The following ADCY8 variants were observed in gnomAD, a reference collection of about 807,000 sequenced individuals.
ADCY8 encodes the protein adenylate cyclase 8, also known as adenylate cyclase type 8.
Under a neutral mutation model 119.7 loss-of-function variants are expected in ADCY8, and 51 were observed. The observed-to-expected ratio is 0.43, with a 90% CI of 0.34 to 0.54. The LOEUF is 0.54. Ranked by LOEUF, ADCY8 falls within the 20% of genes least tolerant of loss-of-function variation. The probability of loss-of-function intolerance (pLI) is 0.03; values close to 1 mark genes in which losing one functional copy is unlikely to be tolerated. For missense variants in ADCY8, 1,383 were observed against 1,598.8 expected, an observed-to-expected ratio of 0.87 and a Z score of 2.30; for synonymous variants, 665 against 651.0, an observed-to-expected ratio of 1.02 and a Z score of -0.33.
In ADCY8 at chr8:131,039,996, C is replaced by T; in HGVS notation, c.338G>A (p.Ser113Asn). 1.9e-6 allele frequency: 3 copies of T among 1,568,334 alleles called. No homozygotes were observed. Among genetic ancestry groups the T allele is most frequent in the Non-Finnish European group, 2.6e-6 (3 of 1,158,500 alleles). ...TCGTKVFPER[S>N]GSGSASGSGG... ...GCTGCCGCTGGCACTGCCGCTCCCG[C>T]TGCGTTCCGGGAAGACTTTGGTGCC... Residue 113 changes from serine to asparagine, a missense_variant, in exon 1 of 18, where the codon AGC becomes AAC. Transcript: ENST00000286355.
At position 130,937,185 on chromosome 8, in the gene ADCY8, G is replaced by A. The variant is rs753611079; in HGVS notation, c.1369C>T (p.Arg457Cys). Residue 457 changes from arginine (R) to cysteine (C), a missense_variant, in exon 5 of 18, where the codon CGT becomes TGT. Arg to Cys is a radical substitution (Grantham distance 180). Around this residue, in one of 2 missense-constraint regions of ADCY8, gnomAD observed 928 missense variants for 1,163.5 expected, o/e 0.80. Coordinates refer to ENST00000286355, the MANE Select transcript of ADCY8 (RefSeq NM_001115.3). ...DRLAHEHHCLRIKILGDCYYC... is the reference protein window; with the variant it reads ...DRLAHEHHCLCIKILGDCYYC... The stretch of plus-strand genomic sequence containing the variant: ...TAGCAGTCCCCCAGGATTTTAATAC[G>A]AAGGCAGTGATGCTCCTGGAAGGAA... 6.2e-7 allele frequency: 1 copy of A among 1,613,636 alleles called. No homozygotes were observed. The highest frequency in any genetic ancestry group is 8.5e-7 in the Non-Finnish European group (1 of 1,179,760).
intron 15 of ADCY8, among the ~76,000 whole-genome samples, chr8:130,794,919 G>T (rs954229447): frequency 6.6e-6 from 1 of 152,158 alleles, no homozygotes; most frequent in Non-Finnish European, 1.5e-5. Context: ...GCCCTTGCAG[G>T]TAACTTTTAG....
At chr8:130,912,289 A>G (rs1163776833) in intron 5 of ADCY8, among the ~76,000 whole-genome samples, 3 of 152,190 alleles carry the variant, frequency 2.0e-5, no homozygotes, top group Non-Finnish European at 2.9e-5. Flanking sequence ...TTCCCCTCTT[A>G]AGATTGTACT....
chr8:130,787,025 T>G (rs1815267786), intron 15 of ADCY8, among the ~76,000 whole-genome samples: 1 of 152,194 alleles, frequency 6.6e-6, no homozygotes, highest in African/African-American at 2.4e-5. Flanking sequence ...GAGGTCAGTT[T>G]GGCCACAGTG....
At chr8:130,833,916 T>A (rs1733651222) in intron 12 of ADCY8, among the ~76,000 whole-genome samples, 1 of 152,132 alleles carries the variant, frequency 6.6e-6, no homozygotes. Flanking sequence ...ATTGAGGAGC[T>A]TTTAGTCAAA....
chr8:130,844,798 C>T (rs1377674313), intron 11 of ADCY8, among the ~76,000 whole-genome samples: 1 of 152,164 alleles, frequency 6.6e-6, no homozygotes, highest in East Asian at 1.9e-4. Context: ...ACCTCCTGAA[C>T]AAGATGACCG....
intron 4 of ADCY8, among the ~76,000 whole-genome samples, chr8:130,938,937 C>T (rs898888319): frequency 6.6e-6 from 1 of 152,144 alleles, no homozygotes; most frequent in African/African-American, 2.4e-5. Flanking sequence ...AAGCTTAAGG[C>T]CTTCAGTTGT....
intron 14 of ADCY8, 46 bp from the exon 15 acceptor site, chr8:130,800,618 C>T (rs1303637718): frequency 9.3e-6 from 15 of 1,608,206 alleles, no homozygotes; most frequent in South Asian, 2.2e-5. Context: ...CATCAGAGGT[C>T]GGTTCTGCAG....
At chr8:130,889,448 T>A (rs1394782974) in intron 7 of ADCY8, among the ~76,000 whole-genome samples, 1 of 152,168 alleles carries the variant, frequency 6.6e-6, no homozygotes, top group Non-Finnish European at 1.5e-5. Context: ...CTTCCAAACT[T>A]TTTTGACCAC....
chr8:130,981,933 G>C (rs2130725466), intron 2 of ADCY8, among the ~76,000 whole-genome samples: 1 of 152,136 alleles, frequency 6.6e-6, no homozygotes, highest in East Asian at 1.9e-4. Flanking sequence ...CTTACAACCA[G>C]CTTGAGATCT....
intron 2 of ADCY8, among the ~76,000 whole-genome samples, chr8:130,969,228 A>G (rs1052356201): frequency 6.6e-6 from 1 of 151,902 alleles, no homozygotes; most frequent in African/African-American, 2.4e-5. Context: ...CTAAATAGAG[A>G]AAAAAAAGCT....
intron 10 of ADCY8, among the ~76,000 whole-genome samples, chr8:130,849,064 C>T (rs1277168799): frequency 6.6e-6 from 1 of 152,082 alleles, no homozygotes; most frequent in Non-Finnish European, 1.5e-5. Flanking sequence ...ATTTCCATTT[C>T]CCCCACCCCA....
At chr8:130,946,689 G>A (rs55739059) in intron 3 of ADCY8, among the ~76,000 whole-genome samples, 37 of 152,250 alleles carry the variant, frequency 2.4e-4, no homozygotes, top group Non-Finnish European at 5.3e-4. Flanking sequence ...CACCTGCCCA[G>A]CACACAGTTG....
At chr8:130,869,955 TCTTCTTC>T (rs1554610093) in intron 8 of ADCY8, among the ~76,000 whole-genome samples, 6 of 116,068 alleles carry the variant, frequency 5.2e-5, no homozygotes, top group Non-Finnish European at 8.8e-5. Flanking sequence ...TTCTTCTTCT[TCTTCTTC>T]CTTCTTCCTT....
At chr8:131,000,082 C>T (rs190109860) in intron 1 of ADCY8, among the ~76,000 whole-genome samples, 1 of 152,230 alleles carries the variant, frequency 6.6e-6, no homozygotes, top group Admixed American at 6.5e-5. Flanking sequence ...TATTTAATTT[C>T]AGTGAGGAAG....
chr8:130,956,922 C>A (rs1349187387), intron 2 of ADCY8, among the ~76,000 whole-genome samples: 1 of 152,170 alleles, frequency 6.6e-6, no homozygotes, highest in African/African-American at 2.4e-5. Context: ...AAATGTAAGT[C>A]CAATTAAAAC....
chr8:130,990,973 T>C (rs997293005), intron 1 of ADCY8: 9 of 153,458 alleles, frequency 5.9e-5, no homozygotes, highest in Admixed American at 3.9e-4. Context: ...TTCGAATACA[T>C]TGACTACTAT....
chr8:131,004,203 T>C (rs1823043260), intron 1 of ADCY8, among the ~76,000 whole-genome samples: 2 of 152,122 alleles, frequency 1.3e-5, no homozygotes, highest in Admixed American at 6.5e-5. Flanking sequence ...GCAAAGTAAG[T>C]AGGTACAGGG....
At chr8:130,975,584 C>G (rs1163623503) in intron 2 of ADCY8, among the ~76,000 whole-genome samples, 1 of 152,218 alleles carries the variant, frequency 6.6e-6, no homozygotes, top group Non-Finnish European at 1.5e-5. Flanking sequence ...AGTTAAACCA[C>G]AAGCATTTAT....
Sources: gnomAD v4.1 joint callset for allele counts (sites outside exome capture counted in the v4.1 genomes callset) on GRCh38, gnomAD v4.1.1 for gene constraint, gnomAD v4.1.1 regional missense constraint, MANE v1.5 for transcripts, NCBI Gene and HGNC (gene_info 2026-07-23, HGNC 2026-07-21) for gene names.